Variants in NEBL observed in about 807,000 individuals in gnomAD.
NEBL encodes LIM and SH3 protein 2.
In NEBL, 122 loss-of-function variants were observed where a neutral mutation model predicts 140.2. That is an observed-to-expected ratio of 0.87 (90% confidence interval 0.75 to 1.01). The LOEUF is 1.01. Ranked by LOEUF, NEBL falls within the 50% of genes least tolerant of loss-of-function variation. The pLI, the probability that NEBL is intolerant of heterozygous loss-of-function variation, is 0.00. For missense variants in NEBL, 1,365 were observed against 1,231.3 expected (o/e 1.11, Z -1.62); for synonymous variants, 436 against 398.9 (o/e 1.09, Z -1.11).
intron 4 of NEBL, among the ~76,000 whole-genome samples, chr10:20,886,510 C>A (rs548037962): frequency 6.6e-6 from 1 of 152,134 alleles, no homozygotes; most frequent in African/African-American, 2.4e-5. Context: ...GCCTGGGTGA[C>A]CAAGCAAGAC....
intron 3 of NEBL, among the ~76,000 whole-genome samples, chr10:21,202,421 G>A (rs1768451387): frequency 6.7e-6 from 1 of 149,256 alleles, no homozygotes; most frequent in South Asian, 2.1e-4. Context: ...AGCTTGGACA[G>A]AATAGAGTTG....
chr10:21,087,305 A>G (rs1350208650), intron 2 of NEBL, among the ~76,000 whole-genome samples: 4 of 152,142 alleles, frequency 2.6e-5, no homozygotes, highest in African/African-American at 9.7e-5. Flanking sequence ...TTGACTTTTT[A>G]TGGAAATTTG....
intron 17 of NEBL, among the ~76,000 whole-genome samples, chr10:20,827,342 T>C (rs1424683798): frequency 6.6e-6 from 1 of 152,170 alleles, no homozygotes; most frequent in African/African-American, 2.4e-5. Context: ...CATCCTTCCA[T>C]CAAGACTTTC....
At chr10:20,932,337 A>G (rs2131538328) in intron 4 of NEBL, among the ~76,000 whole-genome samples, 1 of 152,160 alleles carries the variant, frequency 6.6e-6, no homozygotes, top group African/African-American at 2.4e-5. Flanking sequence ...CCAAACACCA[A>G]ATGTTCTCAC....
intron 2 of NEBL, chr10:21,248,165 G>A (rs888877971): frequency 2.8e-5 from 5 of 178,316 alleles, no homozygotes; most frequent in Admixed American, 1.2e-4. Flanking sequence ...CGACCTCCCG[G>A]GCTCAAGTAA....
chr10:21,143,352 G>C lies in NEBL; in HGVS notation c.164+29031C>G, dbSNP rs1839733907. Among the ~76,000 whole-genome samples the C allele has an allele frequency of 2.0e-5, 3 of 150,864 alleles. No homozygotes were observed. In the Admixed American group the frequency reaches 2.0e-4, roughly 10 times the overall value. On this transcript the variant is annotated intron_variant, in intron 2 of 6. Transcript: ENST00000417816. Reference sequence around the variant, plus strand: ...TAATCCCAGCTACTTGGGAGGCTGAGGCAGGAGAATAGCTTGAACCCGGGA... The same window carrying C: ...TAATCCCAGCTACTTGGGAGGCTGACGCAGGAGAATAGCTTGAACCCGGGA...
chr10:21,107,608 AGGATATT>A (rs1564513781), intron 2 of NEBL, among the ~76,000 whole-genome samples: 2 of 152,288 alleles, frequency 1.3e-5, no homozygotes, highest in Admixed American at 1.3e-4. Flanking sequence ...ATGTTCATCA[AGGATATT>A]GGCCTAAAAT....
intron 3 of NEBL, among the ~76,000 whole-genome samples, chr10:21,193,441 C>G (rs1026220638): frequency 6.6e-6 from 1 of 152,074 alleles, no homozygotes; most frequent in African/African-American, 2.4e-5. Flanking sequence ...CTGAAATCAC[C>G]ATTATCTATC....
chr10:20,805,687 T>C (rs770228539), intron 26 of NEBL, among the ~76,000 whole-genome samples: 4 of 152,028 alleles, frequency 2.6e-5, no homozygotes, highest in African/African-American at 9.7e-5. Context: ...ACCCCATCTC[T>C]ACTAAAAATA....
intron 3 of NEBL, among the ~76,000 whole-genome samples, chr10:21,223,377 A>G (rs1842100188): frequency 6.6e-6 from 1 of 152,216 alleles, no homozygotes; most frequent in Admixed American, 6.5e-5. Flanking sequence ...AAATGATAGG[A>G]TCACATTCTT....
At chr10:21,232,599 A>G (rs568392862) in intron 3 of NEBL, among the ~76,000 whole-genome samples, 13 of 152,300 alleles carry the variant, frequency 8.5e-5, no homozygotes, top group African/African-American at 3.1e-4. Context: ...TGCAACCTAG[A>G]TCCTTCACAT....
Position 20,817,628 on chromosome 10 carries a change from G to A in NEBL, c.2120C>T (p.Ala707Val), listed in dbSNP as rs758269571. ...AISDPPELKR[A>V]KENQKNISNV... ...GCTGATGTTTTTCTGGTTTTCTTTT[G>A]CCCTCTTCAGCTCTGGTGGATCAGA... Residue 707 changes from alanine to valine, a missense_variant, in exon 21 of 28, where the codon GCA (alanine) becomes GTA (valine). By Grantham distance (64) the Ala-to-Val change is moderately conservative (BLOSUM62 0). Transcript: ENST00000377122. 4.3e-6 allele frequency: 7 copies of A among 1,613,636 alleles called. No homozygotes were observed. The highest frequency in any genetic ancestry group is 5.9e-6 in the Non-Finnish European group (7 of 1,179,650).
chr10:20,807,233 C>T (rs1261388874), intron 26 of NEBL, among the ~76,000 whole-genome samples: 2 of 152,056 alleles, frequency 1.3e-5, no homozygotes, highest in Non-Finnish European at 2.9e-5. Flanking sequence ...GGCTGAGGCA[C>T]AAGAATCACT....
At chr10:20,844,024 T>A (rs1263549258) in intron 12 of NEBL, among the ~76,000 whole-genome samples, 1 of 152,126 alleles carries the variant, frequency 6.6e-6, no homozygotes, top group Non-Finnish European at 1.5e-5. Context: ...GAAGTTGCCA[T>A]TTGCTTAGCC....
chr10:21,143,448 CAAA>C (rs72021692), intron 2 of NEBL, among the ~76,000 whole-genome samples: 2 of 66,472 alleles, frequency 3.0e-5, no homozygotes, highest in Non-Finnish European at 5.7e-5. Flanking sequence ...AACTTCATCT[CAAA>C]AAAAAAAAAA....
intron 2 of NEBL, among the ~76,000 whole-genome samples, chr10:20,892,124 A>T (rs1847085149): frequency 6.6e-6 from 1 of 152,258 alleles, no homozygotes; most frequent in Admixed American, 6.5e-5. Flanking sequence ...AAAAGAGCCC[A>T]GATGGATTAA....
intron 2 of NEBL, among the ~76,000 whole-genome samples, chr10:21,093,593 A>G (rs1027123782): frequency 2.0e-5 from 3 of 152,184 alleles, no homozygotes. Flanking sequence ...ATGCAACCAG[A>G]TGGGGGTCAC....
chr10:21,066,906 C>G (rs537296215), intron 2 of NEBL, among the ~76,000 whole-genome samples: 183 of 151,910 alleles, frequency 1.2e-3, no homozygotes, highest in Middle Eastern at 6.8e-3. Context: ...TTCAGTTGCT[C>G]CATCTCATAG....
chr10:21,287,961 C>CTA (rs1843082040), intron 1 of NEBL, among the ~76,000 whole-genome samples: 1 of 152,144 alleles, frequency 6.6e-6, no homozygotes, highest in Non-Finnish European at 1.5e-5. Context: ...TATCCATATA[C>CTA]TATGTGAGTT....
Sources: allele counts gnomAD v4.1 joint callset (sites outside exome capture counted in the v4.1 genomes callset), GRCh38; gene constraint gnomAD v4.1.1; transcripts MANE v1.5; gene names NCBI Gene and HGNC (gene_info 2026-07-23, HGNC 2026-07-21).